The following NIBAN1 variants were observed in gnomAD, a reference collection of about 807,000 sequenced individuals.
NIBAN1 encodes the protein niban apoptosis regulator 1, also known as protein Niban 1.
In NIBAN1, 81 loss-of-function variants were observed where a neutral mutation model predicts 75.1. The ratio of observed to expected loss-of-function variants is 1.08; its 90% confidence interval spans 0.90 to 1.30. The LOEUF (loss-of-function observed/expected upper bound fraction) is 1.30, where lower values mean the gene tolerates loss of function less well. NIBAN1 is among the 50% of genes most tolerant of loss of function. The pLI is 0.00. For synonymous variants in NIBAN1, 436 were observed against 424.8 expected (o/e 1.03, Z -0.32); for missense variants, 1,133 against 1,128.1 (o/e 1.00, Z -0.06).
intron 1 of NIBAN1, among the ~76,000 whole-genome samples, chr1:184,954,389 C>A (rs1334981001): frequency 1.3e-5 from 2 of 152,154 alleles, no homozygotes; most frequent in Non-Finnish European, 2.9e-5. Flanking sequence ...CTTTCCATCC[C>A]TTTAAGAGAA....
chr1:184,877,996 T>C (rs958804908), intron 5 of NIBAN1, among the ~76,000 whole-genome samples: 3 of 152,178 alleles, frequency 2.0e-5, no homozygotes, highest in Non-Finnish European at 2.9e-5. Context: ...TGAACTATCA[T>C]AACCATACAA....
At chr1:184,967,567 C>T (rs1658828730) in intron 1 of NIBAN1, among the ~76,000 whole-genome samples, 1 of 152,180 alleles carries the variant, frequency 6.6e-6, no homozygotes, top group African/African-American at 2.4e-5. Flanking sequence ...TGCTATTGCA[C>T]TTTCTACCTG....
intron 5 of NIBAN1, among the ~76,000 whole-genome samples, chr1:184,837,184 A>T (rs902964004): frequency 1.3e-5 from 2 of 152,170 alleles, no homozygotes; most frequent in African/African-American, 4.8e-5. Flanking sequence ...GTTCACAATC[A>T]CCTACTCTCC....
intron 1 of NIBAN1, among the ~76,000 whole-genome samples, chr1:184,913,452 C>T (rs1420477829): frequency 6.6e-6 from 1 of 151,998 alleles, no homozygotes; most frequent in African/African-American, 2.4e-5. Flanking sequence ...CGTACCTGAG[C>T]TCATGCACTC....
chr1:184,795,199 C>T lies in NIBAN1; in HGVS notation c.2565G>A (p.Glu855=), dbSNP rs1653808900. ...TLGSDPICLS[E]SQVSEEQEEM... is the part of the protein sequence containing the mutation. Reference sequence around the variant, plus strand: ...CTTCTTGTTCCTCAGAAACCTGGCTCTCACTGAGGCAGATGGGGTCAGAAC... The same window carrying T: ...CTTCTTGTTCCTCAGAAACCTGGCTTTCACTGAGGCAGATGGGGTCAGAAC... The change falls in exon 14 of 14, where the codon GAG becomes GAA. Residue 855 remains glutamate (E), a synonymous_variant. Transcript: ENST00000367511. 1 of 1,614,164 alleles carries T rather than the reference C, an allele frequency of 6.2e-7. No individual in the cohort carries two copies. The highest frequency in any genetic ancestry group is 8.5e-7 in the Non-Finnish European group (1 of 1,180,050).
intron 5 of NIBAN1, 56 bp downstream of exon 5, chr1:184,884,577 T>A: frequency 6.3e-7 from 1 of 1,599,670 alleles, no homozygotes; most frequent in Non-Finnish European, 8.5e-7. Context: ...CCAGAACAAC[T>A]CAGCGAGGGC....
At chr1:184,800,916 G>T (rs1029579550) in intron 12 of NIBAN1, among the ~76,000 whole-genome samples, 8 of 152,152 alleles carry the variant, frequency 5.3e-5, no homozygotes, top group African/African-American at 1.9e-4. Context: ...CTCTTCAGCT[G>T]GCCCTGACAT....
chr1:184,939,929 A>G (rs909476196), intron 1 of NIBAN1, among the ~76,000 whole-genome samples: 3 of 152,204 alleles, frequency 2.0e-5, no homozygotes, highest in African/African-American at 7.2e-5. Context: ...CATTTGGAAA[A>G]TATGGAATAA....
intron 10 of NIBAN1, among the ~76,000 whole-genome samples, chr1:184,807,495 G>C (rs1571476953): frequency 6.6e-6 from 1 of 152,114 alleles, no homozygotes; most frequent in Non-Finnish European, 1.5e-5. Flanking sequence ...CTATCAAAAA[G>C]TAGCCATATA....
intron 4 of NIBAN1, among the ~76,000 whole-genome samples, chr1:184,888,507 C>T (rs1361755371): frequency 6.6e-6 from 1 of 152,144 alleles, no homozygotes; most frequent in East Asian, 1.9e-4. Context: ...TTCCAGATGC[C>T]ATCAGTGAAT....
intron 1 of NIBAN1, among the ~76,000 whole-genome samples, chr1:184,946,359 A>G (rs1658226609): frequency 6.6e-6 from 1 of 152,256 alleles, no homozygotes; most frequent in African/African-American, 2.4e-5. Context: ...ATGCTATAAA[A>G]TAACAACAAT....
intron 1 of NIBAN1, among the ~76,000 whole-genome samples, chr1:184,904,031 A>C (rs970805375): frequency 6.6e-6 from 1 of 151,772 alleles, no homozygotes; most frequent in Non-Finnish European, 1.5e-5. Flanking sequence ...CAAGTAGCTG[A>C]GATTACAGGC....
intron 5 of NIBAN1, among the ~76,000 whole-genome samples, chr1:184,864,988 CAAA>C (rs200197955): frequency 9.8e-5 from 6 of 61,230 alleles, no homozygotes; most frequent in Admixed American, 1.8e-4. Flanking sequence ...CTAAAGAGGT[CAAA>C]AAAAAAAAAA....
At position 184,794,471 on chromosome 1, in the gene NIBAN1, G is replaced by A. The variant is rs551812079; in HGVS notation, c.*506C>T. On this transcript the variant is annotated 3_prime_UTR_variant, in exon 14 of 14. Transcript: ENST00000367511. ...GGGGCTACAGCCAGCACGGGTGACTGTTCATGACCTACCCTCTCTTGCAGT... is the reference window on the plus strand; with the variant it reads ...GGGGCTACAGCCAGCACGGGTGACTATTCATGACCTACCCTCTCTTGCAGT... 91 of 207,074 alleles carry A rather than the reference G, an allele frequency of 4.4e-4. No homozygotes were observed. The highest frequency in any genetic ancestry group is 2.1e-3 in the African/African-American group (88 of 42,310). The allele number at this position is 207,074 out of a possible 1,614,324, so 12.8% of individuals were successfully genotyped here.
At chr1:184,818,238 T>G (rs139053729) in intron 9 of NIBAN1, among the ~76,000 whole-genome samples, 1 of 152,180 alleles carries the variant, frequency 6.6e-6, no homozygotes, top group African/African-American at 2.4e-5. Context: ...ATAAAAACTA[T>G]AGGAAAAATA....
chr1:184,874,209 G>A (rs1412752902), intron 5 of NIBAN1, among the ~76,000 whole-genome samples: 1 of 151,820 alleles, frequency 6.6e-6, no homozygotes, highest in East Asian at 1.9e-4. Context: ...TAATAATAAA[G>A]TTTTAATAAT....
chr1:184,968,794 GTTT>G (rs1658863660), intron 1 of NIBAN1, among the ~76,000 whole-genome samples: 1 of 151,160 alleles, frequency 6.6e-6, no homozygotes, highest in Non-Finnish European at 1.5e-5. Context: ...AGAGATGGAA[GTTT>G]CTTTCTTTCT....
intron 5 of NIBAN1, among the ~76,000 whole-genome samples, chr1:184,857,151 C>A (rs749741572): frequency 2.0e-5 from 3 of 152,202 alleles, no homozygotes; most frequent in Admixed American, 6.5e-5. Context: ...AGCCTTCCAA[C>A]AGATAGAGTG....
At chr1:184,908,091 C>T (rs1390007832) in intron 1 of NIBAN1, among the ~76,000 whole-genome samples, 3 of 152,174 alleles carry the variant, frequency 2.0e-5, no homozygotes, top group Admixed American at 1.3e-4. Context: ...GCATCGTTTC[C>T]TGCTTTCCAA....
Sources: allele counts gnomAD v4.1 joint callset (sites outside exome capture counted in the v4.1 genomes callset), GRCh38; gene constraint gnomAD v4.1.1; transcripts MANE v1.5; gene names NCBI Gene and HGNC (gene_info 2026-07-23, HGNC 2026-07-21).